Variants in MAMDC2 observed in about 807,000 individuals in gnomAD.
MAMDC2 encodes the protein MAM domain-containing protein 2.
A neutral mutation model predicts 89.8 loss-of-function variants in MAMDC2; 57 were observed. That is an observed-to-expected ratio of 0.63 (90% confidence interval 0.51 to 0.79). MAMDC2 has a LOEUF of 0.79. Ranked by LOEUF, MAMDC2 falls within the 30% of genes least tolerant of loss-of-function variation. The pLI is 0.00. For synonymous variants in MAMDC2, 313 were observed against 293.4 expected (o/e 1.07, Z -0.68); for missense variants, 800 against 820.6 (o/e 0.97, Z 0.31).
intron 11 of MAMDC2, among the ~76,000 whole-genome samples, chr9:70,207,255 A>C (rs2033246243): frequency 2.6e-5 from 4 of 152,188 alleles, no homozygotes; most frequent in Admixed American, 2.0e-4. Flanking sequence ...AGCAGTGTAA[A>C]AGTGTTCCTA....
intron 11 of MAMDC2, among the ~76,000 whole-genome samples, chr9:70,195,133 G>A (rs1025450327): frequency 6.6e-6 from 1 of 151,996 alleles, no homozygotes; most frequent in African/African-American, 2.4e-5. Flanking sequence ...ATGAATAATA[G>A]TACAAATATG....
chr9:70,104,511 A>T (rs1828280967), intron 2 of MAMDC2, among the ~76,000 whole-genome samples: 1 of 152,222 alleles, frequency 6.6e-6, no homozygotes, highest in Admixed American at 6.5e-5. Context: ...TGGCAGGATT[A>T]TTCATAATAG....
At chr9:70,209,633 T>C (rs188214234) in intron 11 of MAMDC2, among the ~76,000 whole-genome samples, 41 of 152,198 alleles carry the variant, frequency 2.7e-4, no homozygotes, top group African/African-American at 9.9e-4. Context: ...TCTCTATCTC[T>C]TTCAGTTCCG....
At chr9:70,160,406 CATCTT>C (rs3071391) in intron 9 of MAMDC2, among the ~76,000 whole-genome samples, 10,436 of 152,018 alleles carry the variant, frequency 0.069, 552 homozygotes, top group East Asian at 0.22. Context: ...AAAATGATGT[CATCTT>C]AGCTTTGTCT....
rs535353759 is a variant in MAMDC2 at position 70,139,532 on chromosome 9, T to C, written c.995-613T>C. 3.7e-3 allele frequency among the ~76,000 whole-genome samples: 558 copies of C among 151,644 alleles called. 2 individuals are homozygous for C. Among genetic ancestry groups the C allele is most frequent in the African/African-American group, 0.012 (515 of 41,294 alleles). ...ATCCAGTCTATCATTGTTGGACATT[T>C]GGGGTTGGTTCCAAGTCTTTGCTAT... On this transcript the variant is annotated intron_variant, in intron 7 of 13. Transcript: ENST00000377182.
chr9:70,189,254 T>C (rs2032826752), intron 11 of MAMDC2, among the ~76,000 whole-genome samples: 1 of 152,186 alleles, frequency 6.6e-6, no homozygotes, highest in Non-Finnish European at 1.5e-5. Flanking sequence ...TTTAGTTTTA[T>C]TTATTTGAGA....
rs147787263 is a variant in MAMDC2 at position 70,126,534 on chromosome 9, C to T, written c.900+119C>T. On this transcript the variant is annotated intron_variant, in intron 6 of 13. Coordinates refer to ENST00000377182, the MANE Select transcript of MAMDC2 (RefSeq NM_153267.5). Reference sequence around the variant, plus strand: ...CACTCAGTCTGTCTTTTCTGCTGTGCCTCAACTGTATTCTTTCTCATCCTC... The same window carrying T: ...CACTCAGTCTGTCTTTTCTGCTGTGTCTCAACTGTATTCTTTCTCATCCTC... The T allele has an allele frequency of 1.3e-3, 1,398 of 1,058,148 alleles. 16 individuals carry two copies. The African/African-American group carries it at 0.019, about 14-fold the overall frequency. The allele number at this position is 1,058,148 out of a possible 1,614,324, so 65.5% of individuals were successfully genotyped here.
intron 11 of MAMDC2, among the ~76,000 whole-genome samples, chr9:70,208,467 T>A (rs1459286633): frequency 6.6e-6 from 1 of 152,198 alleles, no homozygotes; most frequent in Admixed American, 6.5e-5. Context: ...TGCTTGTGAT[T>A]TTTGCACATT....
chr9:70,214,493 G>C (rs1054264623), intron 11 of MAMDC2, among the ~76,000 whole-genome samples: 7 of 152,188 alleles, frequency 4.6e-5, no homozygotes, highest in African/African-American at 9.7e-5. Flanking sequence ...AGACTGTATG[G>C]GGTTCTAAAG....
At chr9:70,055,774 T>A (rs1428440504) in intron 2 of MAMDC2, among the ~76,000 whole-genome samples, 2 of 152,198 alleles carry the variant, frequency 1.3e-5, no homozygotes, top group African/African-American at 2.4e-5. Flanking sequence ...CTCAGCATAA[T>A]CTTGGAAGAG....
At chr9:70,165,224 ATTC>A (rs1334086179) in intron 9 of MAMDC2, among the ~76,000 whole-genome samples, 5 of 152,130 alleles carry the variant, frequency 3.3e-5, no homozygotes, top group Admixed American at 3.3e-4. Flanking sequence ...TGTTTGACTT[ATTC>A]TTTGTCCTGC....
intron 2 of MAMDC2, among the ~76,000 whole-genome samples, chr9:70,107,489 A>T (rs965881815): frequency 6.6e-5 from 10 of 152,192 alleles, no homozygotes; most frequent in Non-Finnish European, 1.3e-4. Flanking sequence ...GACAATTGCT[A>T]GTCCCAGAGT....
intron 2 of MAMDC2, chr9:70,089,259 A>G (rs1827836253): frequency 6.6e-6 from 1 of 152,164 alleles, no homozygotes; most frequent in Non-Finnish European, 1.5e-5. Context: ...AGAATTCACA[A>G]TGCTTCAAAT....
At chr9:70,185,680 T>C (rs1164591663) in intron 11 of MAMDC2, among the ~76,000 whole-genome samples, 2 of 152,144 alleles carry the variant, frequency 1.3e-5, no homozygotes, top group Non-Finnish European at 2.9e-5. Flanking sequence ...CTTAGCACTG[T>C]CCGGGAAAAA....
rs1279833075 is a variant in MAMDC2, at chr9:70,170,349, A to G, written c.1499-130A>G. 3.9e-6 allele frequency: 4 copies of G among 1,028,030 alleles called. No homozygotes were observed. In the East Asian group the frequency reaches 1.1e-4, roughly 28 times the overall value. The allele number at this position is 1,028,030 out of a possible 1,614,324, so 63.7% of individuals were successfully genotyped here. A position where few individuals can be genotyped will look rare whatever the true frequency, so the allele number is the denominator to read the frequency against. The stretch of plus-strand genomic sequence containing the variant: ...AGCAGTGGCTCCGTGTAGGTGGGCC[A>G]CCAGTGGGGGCTGCCTCTCCATCGC... On this transcript the variant is annotated intron_variant, in intron 10 of 13. Transcript: ENST00000377182.
At chr9:70,162,993 C>CTGTCATTA (rs2032031409) in intron 9 of MAMDC2, among the ~76,000 whole-genome samples, 1 of 151,652 alleles carries the variant, frequency 6.6e-6, no homozygotes, top group Non-Finnish European at 1.5e-5. Flanking sequence ...GTTCTGCTGC[C>CTGTCATTA]TGTCATTATG....
intron 9 of MAMDC2, chr9:70,157,866 T>C (rs2031819217): frequency 6.6e-6 from 1 of 151,962 alleles, no homozygotes; most frequent in Admixed American, 6.6e-5. Context: ...AACTAAGCAA[T>C]AGGAAAGCGG....
intron 11 of MAMDC2, chr9:70,216,308 A>C (rs548706040): frequency 6.6e-6 from 1 of 152,198 alleles, no homozygotes; most frequent in Non-Finnish European, 1.5e-5. Flanking sequence ...TGGAGGCTGG[A>C]AAGTCCAACA....
At chr9:70,109,480 T>C (rs1446748706) in intron 3 of MAMDC2, 2 of 427,634 alleles carry the variant, frequency 4.7e-6, no homozygotes, top group Non-Finnish European at 8.3e-6. Context: ...AGATGCCTTA[T>C]TTACCTTGAA....
Sources: allele counts gnomAD v4.1 joint callset (sites outside exome capture counted in the v4.1 genomes callset), GRCh38; gene constraint gnomAD v4.1.1; transcripts MANE v1.5; gene names NCBI Gene and HGNC (gene_info 2026-07-23, HGNC 2026-07-21).